The following MAP1B variants were observed in gnomAD, a reference collection of about 807,000 sequenced individuals.
MAP1B encodes the protein microtubule-associated protein 1B.
MAP1B carries 12 observed loss-of-function variants against 176.1 expected under a neutral mutation model. The observed-to-expected ratio is 0.07, with a 90% CI of 0.04 to 0.11. The LOEUF is 0.11. Among genes scored for constraint, MAP1B ranks in the 10% least tolerant of loss-of-function variants. The probability of loss-of-function intolerance (pLI) is 1.00; values close to 1 mark genes in which losing one functional copy is unlikely to be tolerated. For missense variants in MAP1B, 2,523 were observed against 2,990.5 expected, an observed-to-expected ratio of 0.84 and a Z score of 3.65; for synonymous variants, 1,044 against 1,135.0, an observed-to-expected ratio of 0.92 and a Z score of 1.61.
At position 72,199,301 on chromosome 5, in the gene MAP1B, G is replaced by A. The variant is rs753751461; in HGVS notation, c.5946G>A (p.Arg1982=). ...ATGAAAAGACTGAGAGGTCTAGAAGGCTTCTGGATGACATCAGCAATGGCT... is the reference window on the plus strand; with the variant it reads ...ATGAAAAGACTGAGAGGTCTAGAAGACTTCTGGATGACATCAGCAATGGCT... The part of the protein sequence containing the change: ...YSYEKTERSR[R]LLDDISNGYD... The change falls in exon 5 of 7, where the codon AGG becomes AGA. Residue 1982 remains arginine, a synonymous_variant. Transcript: ENST00000296755. The surrounding 1 kb of genome is among the most constrained non-coding windows in gnomAD (Gnocchi z 4.2). 1 of 1,614,110 alleles carries A rather than the reference G, an allele frequency of 6.2e-7. No individual in the cohort carries two copies. The highest frequency in any genetic ancestry group is 1.1e-5 in the South Asian group (1 of 91,074).
chr5:72,165,042 G>C (rs1746399019), intron 2 of MAP1B, among the ~76,000 whole-genome samples: 1 of 151,938 alleles, frequency 6.6e-6, no homozygotes, highest in African/African-American at 2.4e-5. Context: ...AATACCATGA[G>C]AACTTTGAAA....
At chr5:72,141,379 A>C (rs553407915) in intron 2 of MAP1B, among the ~76,000 whole-genome samples, 1 of 152,308 alleles carries the variant, frequency 6.6e-6, no homozygotes, top group Non-Finnish European at 1.5e-5. Flanking sequence ...GCAGGTTTTT[A>C]ATGGCCTTTG....
At chr5:72,112,156 G>A (rs1745355100) in intron 1 of MAP1B, among the ~76,000 whole-genome samples, 1 of 151,942 alleles carries the variant, frequency 6.6e-6, no homozygotes, top group African/African-American at 2.4e-5. Flanking sequence ...TAGGTACTTG[G>A]AAAAAATATC....
At chr5:72,161,522 G>A (rs1379869384) in intron 2 of MAP1B, among the ~76,000 whole-genome samples, 1 of 152,172 alleles carries the variant, frequency 6.6e-6, no homozygotes, top group Non-Finnish European at 1.5e-5. Flanking sequence ...CAGATAGATG[G>A]ACAGGGAAGT....
chr5:72,119,638 G>C (rs560611898), intron 2 of MAP1B, among the ~76,000 whole-genome samples: 23 of 152,254 alleles, frequency 1.5e-4, no homozygotes, highest in Admixed American at 5.2e-4. Flanking sequence ...CTCCTGAGTA[G>C]CTGGGACCAT....
At chr5:72,126,190 A>G (rs1745626790) in intron 2 of MAP1B, among the ~76,000 whole-genome samples, 1 of 152,194 alleles carries the variant, frequency 6.6e-6, no homozygotes, top group African/African-American at 2.4e-5. Flanking sequence ...CGGAGAGACC[A>G]GGAAGCCTGA....
rs937430154 is a variant in MAP1B at position 72,196,338 on chromosome 5, A to G, written c.2983A>G (p.Ser995Gly). 1.2e-6 allele frequency: 2 copies of G among 1,614,022 alleles called. No homozygotes were observed. The highest frequency in any genetic ancestry group is 3.3e-5 in the Admixed American group (2 of 59,994). The change falls in exon 5 of 7, where the codon AGT (serine) becomes GGT (glycine). Residue 995 changes from serine to glycine, a missense_variant. By Grantham distance (56) the Ser-to-Gly change is moderately conservative. Coordinates refer to ENST00000296755, the MANE Select transcript of MAP1B (RefSeq NM_005909.5). This position sits in a 1 kb window ranked among gnomAD's most constrained non-coding sequence, Gnocchi z 5.3. ...CAGGGAGAAGAGGGAGTCTGTGGCC[A>G]GTGGGGATGACCGAGCCGAAGAAGA... is the stretch of plus-strand genomic sequence containing the variant. ...YIREKRESVASGDDRAEEDMD... is the reference protein window; with the variant it reads ...YIREKRESVAGGDDRAEEDMD...
intron 5 of MAP1B, among the ~76,000 whole-genome samples, chr5:72,200,990 A>G (rs1324826250): frequency 2.0e-5 from 3 of 152,174 alleles, no homozygotes; most frequent in Admixed American, 6.5e-5. Context: ...ATTGAGAGAA[A>G]AACATTGATG....
At chr5:72,135,436 GT>G (rs1039090087) in intron 2 of MAP1B, among the ~76,000 whole-genome samples, 3 of 152,114 alleles carry the variant, frequency 2.0e-5, no homozygotes, top group Admixed American at 6.5e-5. Context: ...TTGTGTCAGT[GT>G]TTTGCAAGTA....
chr5:72,172,760 G>A (rs1369101260), intron 2 of MAP1B, among the ~76,000 whole-genome samples: 1 of 152,162 alleles, frequency 6.6e-6, no homozygotes, highest in Non-Finnish European at 1.5e-5. Context: ...AATCATGTGA[G>A]GATGATTTTA....
In MAP1B at chr5:72,209,175, G is replaced by C. The variant is rs559737236; in HGVS notation, c.*3936G>C. 6.6e-6 allele frequency: 1 copy of C among 152,330 alleles called. No homozygotes were observed. The highest frequency in any genetic ancestry group is 6.5e-5 in the Admixed American group (1 of 15,308). The allele number at this position is 152,330 out of a possible 1,614,324, so 9.4% of individuals were successfully genotyped here. On this transcript the variant is annotated 3_prime_UTR_variant, in exon 7 of 7. Transcript: ENST00000296755. ...TTGTTTGGAGCTCCCCAAAACAGGA[G>C]CCATGGAGAAGTGGCATCAAGACCG... is the stretch of plus-strand genomic sequence containing the variant.
chr5:72,184,536 T>G (rs1441135923), intron 3 of MAP1B, among the ~76,000 whole-genome samples: 1 of 152,228 alleles, frequency 6.6e-6, no homozygotes, highest in Non-Finnish European at 1.5e-5. Context: ...GTGATTGTTA[T>G]TATTACCACC....
chr5:72,159,816 G>A (rs1405509475), intron 2 of MAP1B, among the ~76,000 whole-genome samples: 1 of 152,170 alleles, frequency 6.6e-6, no homozygotes, highest in Non-Finnish European at 1.5e-5. Flanking sequence ...CAGTTTTAAA[G>A]GAAATGACTT....
intron 2 of MAP1B, among the ~76,000 whole-genome samples, chr5:72,176,492 T>G (rs1746656782): frequency 6.6e-6 from 1 of 152,130 alleles, no homozygotes; most frequent in African/African-American, 2.4e-5. Flanking sequence ...GAAGATAATA[T>G]TTGCCCCACT....
intron 2 of MAP1B, among the ~76,000 whole-genome samples, chr5:72,139,355 C>G (rs762756224): frequency 2.0e-5 from 3 of 152,174 alleles, no homozygotes; most frequent in African/African-American, 7.2e-5. Context: ...GGTTCTCGTT[C>G]TGGCTGCTCT....
At chr5:72,114,868 G>A (rs1336486858) in intron 1 of MAP1B, among the ~76,000 whole-genome samples, 1 of 152,092 alleles carries the variant, frequency 6.6e-6, no homozygotes, top group African/African-American at 2.4e-5. Flanking sequence ...CTAGGGAAAG[G>A]AAGTCTGATA....
Position 72,199,570 on chromosome 5 carries a change from C to A in MAP1B, c.6215C>A (p.Ser2072Tyr), listed in dbSNP as rs1456311181. 1.9e-6 allele frequency: 3 copies of A among 1,614,116 alleles called. No homozygotes were observed. The highest frequency in any genetic ancestry group is 3.3e-5 in the Admixed American group (2 of 60,018). ...CTATGCTACACTGCAGAAAAGAAGT[C>A]CCCCTCAGAAGCCCGTCAGGATGTC... ...SDLCYTAEKK[S>Y]PSEARQDVDL... Residue 2072 changes from serine (S) to tyrosine (Y), a missense_variant, in exon 5 of 7, where the codon TCC becomes TAC. Coordinates refer to ENST00000296755, the MANE Select transcript of MAP1B (RefSeq NM_005909.5). The surrounding 1 kb of genome is among the most constrained non-coding windows in gnomAD (Gnocchi z 4.2).
At chr5:72,189,188 C>G (rs1047167903) in intron 4 of MAP1B, among the ~76,000 whole-genome samples, 4 of 152,130 alleles carry the variant, frequency 2.6e-5, no homozygotes, top group Admixed American at 6.5e-5. Context: ...ACTATCAGTA[C>G]ACTTTGAGCT....
At chr5:72,185,121 G>A (rs781034581) in intron 3 of MAP1B, among the ~76,000 whole-genome samples, 1 of 152,162 alleles carries the variant, frequency 6.6e-6, no homozygotes, top group Non-Finnish European at 1.5e-5. Flanking sequence ...CCATGTCGTA[G>A]CATGTGTCAG....
Sources: allele counts gnomAD v4.1 joint callset (sites outside exome capture counted in the v4.1 genomes callset), GRCh38; gene constraint gnomAD v4.1.1; non-coding constraint Gnocchi (gnomAD v3.1); transcripts MANE v1.5; gene names NCBI Gene and HGNC (gene_info 2026-07-23, HGNC 2026-07-21).